VIT: variants seen among roughly 807,000 people sequenced by gnomAD.
The protein encoded by VIT is vitrin.
A neutral mutation model predicts 78.0 loss-of-function variants in VIT; 99 were observed. That is an observed-to-expected ratio of 1.27 (90% confidence interval 1.08 to 1.50). The LOEUF (loss-of-function observed/expected upper bound fraction) is 1.50, where lower values mean the gene tolerates loss of function less well. Ranked by LOEUF, VIT falls within the 40% of genes most tolerant of loss-of-function variation. VIT has a pLI of 0.00. For missense variants in VIT, 1,126 were observed against 875.3 expected, an observed-to-expected ratio of 1.29 and a Z score of -3.61; for synonymous variants, 374 against 334.3, an observed-to-expected ratio of 1.12 and a Z score of -1.29.
rs1377201785 is a variant in VIT, at chr2:36,799,193, G to A, written c.1059-2108G>A. The stretch of plus-strand genomic sequence containing the variant: ...AGCATAGATCATTTTGAGATAGAGA[G>A]CAGTTTGGAAAACAGGGATGGAGGA... On this transcript the variant is annotated intron_variant, in intron 12 of 15. Transcript: ENST00000379242. Among the ~76,000 whole-genome samples the A allele has an allele frequency of 3.9e-5, 6 of 152,278 alleles. No homozygotes were observed. The East Asian group carries it at 9.7e-4, about 24-fold the overall frequency.
rs1372823645 is a variant in VIT at position 36,814,653 on chromosome 2, C to T, written c.*292C>T. 3 of 316,480 alleles carry T rather than the reference C, an allele frequency of 9.5e-6. No homozygotes were observed. Among genetic ancestry groups the T allele is most frequent in the South Asian group, 8.2e-5 (1 of 12,178 alleles). The allele number at this position is 316,480 out of a possible 1,614,324, so 19.6% of individuals were successfully genotyped here. On this transcript the variant is annotated 3_prime_UTR_variant, in exon 16 of 16. Coordinates refer to ENST00000379242, the MANE Select transcript of VIT (RefSeq NM_053276.4). ...TAAATGTTCGGAATACAGTGCAGCCCTTACGACAGGCTTACGTAGAGCTTT... is the reference window on the plus strand; with the variant it reads ...TAAATGTTCGGAATACAGTGCAGCCTTTACGACAGGCTTACGTAGAGCTTT...
intron 3 of VIT, among the ~76,000 whole-genome samples, chr2:36,740,404 C>T (rs1357377356): frequency 1.3e-5 from 2 of 152,240 alleles, no homozygotes; most frequent in Non-Finnish European, 2.9e-5. Context: ...CAGAAAGATG[C>T]AAATGCCTGC....
intron 15 of VIT, among the ~76,000 whole-genome samples, chr2:36,809,811 C>T (rs1005514762): frequency 1.3e-5 from 2 of 151,722 alleles, no homozygotes; most frequent in Admixed American, 1.3e-4. Flanking sequence ...TCAGGGAAAC[C>T]TGAAAGGAAT....
At chr2:36,708,105 G>T (rs1044094587) in intron 1 of VIT, among the ~76,000 whole-genome samples, 71 of 144,416 alleles carry the variant, frequency 4.9e-4, no homozygotes, top group Non-Finnish European at 8.8e-4. Flanking sequence ...ACATTGTAAA[G>T]GACCTCCCCC....
At chr2:36,717,333 A>AGTGTGTGT (rs1558510494) in intron 2 of VIT, among the ~76,000 whole-genome samples, 1 of 102,674 alleles carries the variant, frequency 9.7e-6, no homozygotes, top group African/African-American at 3.6e-5. Flanking sequence ...ACGCCTGGCT[A>AGTGTGTGT]ATGTGTGTGT....
chr2:36,713,677 G>C (rs188740757), intron 1 of VIT, among the ~76,000 whole-genome samples: 232 of 152,292 alleles, frequency 1.5e-3, no homozygotes, highest in African/African-American at 5.4e-3. Flanking sequence ...GCTGAGAAAT[G>C]GTCAGTTTCT....
In VIT at chr2:36,738,346, G is replaced by T. The variant is rs73924171; in HGVS notation, c.119-4754G>T. Among the ~76,000 whole-genome samples, 1,246 of 152,256 alleles carry T rather than the reference G, an allele frequency of 8.2e-3. 12 individuals are homozygous for T. Among genetic ancestry groups the T allele is most frequent in the African/African-American group, 0.029 (1,195 of 41,544 alleles). ...TTGATATCTGAACAATTGTTCAATT[G>T]TTAATTGAACAAATTAACTTGCCTC... On this transcript the variant is annotated intron_variant, in intron 3 of 15. Coordinates refer to ENST00000379242, the MANE Select transcript of VIT (RefSeq NM_053276.4).
At chr2:36,795,606 G>C (rs181180435) in intron 12 of VIT, among the ~76,000 whole-genome samples, 3 of 151,894 alleles carry the variant, frequency 2.0e-5, no homozygotes, top group East Asian at 1.9e-4. Context: ...GTGGAGACTG[G>C]GTTTCATCAT....
intron 8 of VIT, among the ~76,000 whole-genome samples, chr2:36,774,127 G>T (rs1669918347): frequency 6.6e-6 from 1 of 152,152 alleles, no homozygotes; most frequent in African/African-American, 2.4e-5. Flanking sequence ...TTACAGACCT[G>T]AAAAGGGGCA....
intron 15 of VIT, 38 bp downstream of exon 15, chr2:36,809,023 G>A: frequency 1.3e-6 from 2 of 1,526,392 alleles, no homozygotes; most frequent in East Asian, 2.3e-5. Context: ...TGCTGAGGCT[G>A]CTTTCTGGGG....
rs139032883 is a variant in VIT, at chr2:36,779,924, G to A, written c.803-1803G>A. 1.7e-3 allele frequency among the ~76,000 whole-genome samples: 254 copies of A among 151,408 alleles called. 1 individual carries two copies. Among genetic ancestry groups the A allele is most frequent in the African/African-American group, 6.0e-3 (247 of 41,290 alleles). ...GACAACCCTACACTGCAAAAAACTG[G>A]AGGCAAACCTGGAAAGAAAGTAAGT... On this transcript the variant is annotated intron_variant, in intron 9 of 15. Coordinates refer to ENST00000379242, the MANE Select transcript of VIT (RefSeq NM_053276.4).
intron 4 of VIT, among the ~76,000 whole-genome samples, chr2:36,753,843 G>C (rs1186798447): frequency 3.3e-5 from 5 of 152,234 alleles, no homozygotes; most frequent in African/African-American, 9.6e-5. Context: ...TTGAACTCTT[G>C]AGAGGTAGAT....
chr2:36,801,401 G>T lies in VIT; in HGVS notation c.1159G>T (p.Val387Leu). Residue 387 changes from valine (V) to leucine (L), a missense_variant, in exon 13 of 16, where the codon GTA becomes TTA. Val to Leu is a conservative substitution (Grantham distance 32). Transcript: ENST00000379242. ...KITQRGGLSN[V>L]GRAISFVTKN... ...TACTCAGAGAGGAGGACTTTCTAAT[G>T]TAGGTATGTGATCCGGATTCAAATT... The T allele has an allele frequency of 3.7e-6, 6 of 1,607,072 alleles. No homozygotes were observed. The highest frequency in any genetic ancestry group is 4.3e-6 in the Non-Finnish European group (5 of 1,173,984).
At chr2:36,711,551 G>A (rs1665798054) in intron 1 of VIT, among the ~76,000 whole-genome samples, 1 of 152,084 alleles carries the variant, frequency 6.6e-6, no homozygotes, top group African/African-American at 2.4e-5. Context: ...CTTTAAAATG[G>A]GAATTGTGCA....
intron 8 of VIT, 144 bp from the exon 9 acceptor site, chr2:36,774,858 C>T: frequency 6.8e-7 from 1 of 1,463,762 alleles, no homozygotes; most frequent in South Asian, 1.4e-5. Context: ...CTCTGCAACC[C>T]CCAGAAGTAC....
At position 36,735,170 on chromosome 2, in the gene VIT, GAAAAAGAA is replaced by G. The variant is rs1227808396; in HGVS notation, c.118+5692_118+5699del. Among the ~76,000 whole-genome samples the G allele has an allele frequency of 6.6e-5, 10 of 150,890 alleles. No homozygotes were observed. In the South Asian group the frequency reaches 1.5e-3, roughly 22 times the overall value. ...AGCGAGACTCTGTCTCAAAGAAAAA[GAAAAAGAA>G]AAAAAGAAAAAAGAAAATAATCTGG... On this transcript the variant is annotated intron_variant, in intron 3 of 15. Transcript: ENST00000379242.
chr2:36,732,547 A>G (rs1395935986), intron 3 of VIT, among the ~76,000 whole-genome samples: 1 of 151,708 alleles, frequency 6.6e-6, no homozygotes, highest in African/African-American at 2.4e-5. Context: ...TTTTTTTTCT[A>G]TTCAACACTG....
rs111362752 is a variant in VIT, at chr2:36,787,744, A to T, written c.1058+468A>T. On this transcript the variant is annotated intron_variant, in intron 12 of 15. Transcript: ENST00000379242. ...CCTATAGGTTAGACGCCTAGAGAAC[A>T]TGGTGCTTTAGGTTGTATCTTCTCT... 1.0e-4 allele frequency: 44 copies of T among 430,378 alleles called. 1 individual carries two copies. The highest frequency in any genetic ancestry group is 8.6e-4 in the African/African-American group (42 of 48,710). 26.7% of individuals were successfully genotyped at this position (430,378 alleles called of 1,614,324 possible). A position where few individuals can be genotyped will look rare whatever the true frequency, so the allele number is the denominator to read the frequency against.
At chr2:36,768,978 G>T (rs376296598) in intron 7 of VIT, among the ~76,000 whole-genome samples, 2 of 152,116 alleles carry the variant, frequency 1.3e-5, no homozygotes, top group Admixed American at 6.5e-5. Context: ...ACCGCAAAAA[G>T]AATTTTTGGT....
Sources: gnomAD v4.1 joint callset for allele counts (sites outside exome capture counted in the v4.1 genomes callset) on GRCh38, gnomAD v4.1.1 for gene constraint, MANE v1.5 for transcripts, NCBI Gene and HGNC (gene_info 2026-07-23, HGNC 2026-07-21) for gene names.